Variants in EPHB1 observed in about 807,000 individuals in gnomAD.
EPHB1 encodes ephrin type-B receptor 1.
EPHB1 carries 30 observed loss-of-function variants against 94.4 expected under a neutral mutation model. The ratio of observed to expected loss-of-function variants is 0.32; its 90% CI spans 0.24 to 0.43. The LOEUF is 0.43. Ranked by LOEUF, EPHB1 falls within the 20% of genes least tolerant of loss-of-function variation. The pLI, the probability that EPHB1 is intolerant of heterozygous loss-of-function variation, is 1.00. For missense variants in EPHB1, 1,055 were observed against 1,308.3 expected, an observed-to-expected ratio of 0.81 and a Z score of 2.99; for synonymous variants, 522 against 489.1, an observed-to-expected ratio of 1.07 and a Z score of -0.89.
chr3:135,100,608 A>C (rs536975094), intron 3 of EPHB1, among the ~76,000 whole-genome samples: 1 of 152,322 alleles, frequency 6.6e-6, no homozygotes, highest in East Asian at 1.9e-4. Context: ...TTTATGAGAC[A>C]CTTAATCTGT....
At position 135,116,733 on chromosome 3, in the gene EPHB1, T is replaced by A. The variant is rs570664013; in HGVS notation, c.961+10130T>A. 2.2e-4 allele frequency among the ~76,000 whole-genome samples: 33 copies of A among 152,320 alleles called. 1 individual carries two copies. The highest frequency in any genetic ancestry group is 6.2e-4 in the South Asian group (3 of 4,828). ...CACCCACCTTTCGTCAGTATGCTTC[T>A]CAAAGTCTGTCCCTACATCTGAGCT... is the stretch of plus-strand genomic sequence containing the variant. On this transcript the variant is annotated intron_variant, in intron 4 of 15. Coordinates refer to ENST00000398015, the MANE Select transcript of EPHB1 (RefSeq NM_004441.5).
intron 12 of EPHB1, among the ~76,000 whole-genome samples, chr3:135,219,837 C>G (rs552962396): frequency 6.6e-6 from 1 of 152,102 alleles, no homozygotes; most frequent in Non-Finnish European, 1.5e-5. Flanking sequence ...ATAAGGAAGG[C>G]GGGGATCTTG....
In EPHB1 at chr3:135,092,341, G is replaced by A. The variant is rs188321029; in HGVS notation, c.806-14107G>A. Among the ~76,000 whole-genome samples the A allele has an allele frequency of 1.9e-3, 292 of 152,272 alleles. 4 individuals carry two copies. The highest frequency in any genetic ancestry group is 6.7e-3 in the African/African-American group (280 of 41,560). The stretch of plus-strand genomic sequence containing the variant: ...CCTTCTGTTGGGTGCCAGGGGCCCC[G>A]TGAAGCATCTCCCTGTTGGTTGAGA... On this transcript the variant is annotated intron_variant, in intron 3 of 15. Coordinates refer to ENST00000398015, the MANE Select transcript of EPHB1 (RefSeq NM_004441.5).
rs372220116 is a variant in EPHB1 at position 135,114,728 on chromosome 3, G to GATAGATAA, written c.961+8128_961+8129insGATAAATA. Among the ~76,000 whole-genome samples, 567 of 133,724 alleles carry GATAGATAA rather than the reference G, an allele frequency of 4.2e-3. 2 individuals are homozygous for GATAGATAA. The highest frequency in any genetic ancestry group is 9.4e-3 in the African/African-American group (337 of 35,890). 87.7% of individuals were successfully genotyped at this position (133,724 alleles called of 152,430 possible). A position where few individuals can be genotyped will look rare whatever the true frequency, so the allele number is the denominator to read the frequency against. On this transcript the variant is annotated intron_variant, in intron 4 of 15. Coordinates refer to ENST00000398015, the MANE Select transcript of EPHB1 (RefSeq NM_004441.5). Reference sequence around the variant, plus strand: ...ATAGAGCAAGACTCTGTCTCAGATAGATAAATAAATAAATAAATAAATAAA... The same window carrying GATAGATAA: ...ATAGAGCAAGACTCTGTCTCAGATAGATAGATAAATAAATAAATAAATAAATAAATAAA...
At chr3:135,018,525 C>G (rs774615212) in intron 3 of EPHB1, among the ~76,000 whole-genome samples, 1 of 152,174 alleles carries the variant, frequency 6.6e-6, no homozygotes, top group Admixed American at 6.5e-5. Context: ...AAGCACCCAC[C>G]GATCTCCTCC....
chr3:134,952,887 A>T (rs1472922684), intron 3 of EPHB1, among the ~76,000 whole-genome samples: 1 of 152,130 alleles, frequency 6.6e-6, no homozygotes, highest in Non-Finnish European at 1.5e-5. Flanking sequence ...CCCTCAGCTT[A>T]TGCATTGTCT....
At chr3:135,207,626 G>A (rs971849439) in intron 12 of EPHB1, among the ~76,000 whole-genome samples, 1 of 152,200 alleles carries the variant, frequency 6.6e-6, no homozygotes, top group African/African-American at 2.4e-5. Flanking sequence ...ACTGTGTCTA[G>A]GAGGGCTTGC....
chr3:135,005,311 C>T (rs1247383740), intron 3 of EPHB1, among the ~76,000 whole-genome samples: 2 of 152,202 alleles, frequency 1.3e-5, no homozygotes, highest in Non-Finnish European at 2.9e-5. Flanking sequence ...GGCAGTCTGC[C>T]CATTCTCAGA....
chr3:134,959,414 C>A (rs950971714), intron 3 of EPHB1, among the ~76,000 whole-genome samples: 1 of 152,216 alleles, frequency 6.6e-6, no homozygotes, highest in African/African-American at 2.4e-5. Context: ...ACTTCTGAGA[C>A]TGGCTTTTGC....
intron 1 of EPHB1, among the ~76,000 whole-genome samples, chr3:134,804,495 G>C (rs1265355242): frequency 1.3e-5 from 2 of 152,126 alleles, no homozygotes; most frequent in East Asian, 3.9e-4. Context: ...TATTGTCTTT[G>C]ATAAGCTGTG....
chr3:134,884,266 T>G (rs2037817820), intron 1 of EPHB1, among the ~76,000 whole-genome samples: 1 of 152,170 alleles, frequency 6.6e-6, no homozygotes, highest in Admixed American at 6.5e-5. Context: ...GCAGGGATGG[T>G]GTGGAGAGGC....
At chr3:134,978,856 A>G (rs1180242841) in intron 3 of EPHB1, among the ~76,000 whole-genome samples, 1 of 152,206 alleles carries the variant, frequency 6.6e-6, no homozygotes, top group African/African-American at 2.4e-5. Context: ...TGTGGAATGA[A>G]TAAGAGAGCA....
intron 9 of EPHB1, among the ~76,000 whole-genome samples, chr3:135,177,712 T>C (rs1942023343): frequency 6.6e-6 from 1 of 152,168 alleles, no homozygotes; most frequent in Non-Finnish European, 1.5e-5. Context: ...CCACTTACTT[T>C]CAAAAATCTT....
chr3:135,216,601 T>A (rs936586711), intron 12 of EPHB1, among the ~76,000 whole-genome samples: 7 of 151,742 alleles, frequency 4.6e-5, no homozygotes, highest in African/African-American at 1.7e-4. Context: ...CACTCGCCTG[T>A]AATCCCAGCT....
chr3:135,141,265 C>T (rs3772653), intron 5 of EPHB1, among the ~76,000 whole-genome samples: 8 of 150,742 alleles, frequency 5.3e-5, no homozygotes, highest in Non-Finnish European at 7.4e-5. Flanking sequence ...CCTGTAGAAA[C>T]GGTGACGTAT....
At chr3:135,204,415 A>G (rs1942843205) in intron 12 of EPHB1, among the ~76,000 whole-genome samples, 1 of 152,094 alleles carries the variant, frequency 6.6e-6, no homozygotes, top group Non-Finnish European at 1.5e-5. Context: ...CATGTTGGCC[A>G]GGCTGGTCTC....
At chr3:135,229,364 A>G (rs548041604) in intron 12 of EPHB1, among the ~76,000 whole-genome samples, 11 of 152,218 alleles carry the variant, frequency 7.2e-5, no homozygotes, top group Admixed American at 3.9e-4. Flanking sequence ...AAACCATGCC[A>G]AGAAGGAAGT....
chr3:135,079,881 G>C (rs1023245022), intron 3 of EPHB1, among the ~76,000 whole-genome samples: 1 of 151,994 alleles, frequency 6.6e-6, no homozygotes, highest in African/African-American at 2.4e-5. Context: ...AATGCATGGG[G>C]GCAACTGGAG....
chr3:134,820,915 A>G (rs187472012), intron 1 of EPHB1, among the ~76,000 whole-genome samples: 44 of 152,334 alleles, frequency 2.9e-4, no homozygotes, highest in Admixed American at 2.7e-3. Context: ...TTTATTATAA[A>G]GAATTGGCTC....
Sources: gnomAD v4.1 joint callset for allele counts (sites outside exome capture counted in the v4.1 genomes callset) on GRCh38, gnomAD v4.1.1 for gene constraint, MANE v1.5 for transcripts, NCBI Gene and HGNC (gene_info 2026-07-23, HGNC 2026-07-21) for gene names.